RBPMS: variants seen among roughly 807,000 people sequenced by gnomAD.
The protein encoded by RBPMS is RNA binding protein, mRNA processing factor.
In RBPMS, 7 loss-of-function variants were observed where a neutral mutation model predicts 26.8. The ratio of observed to expected loss-of-function variants is 0.26; its 90% CI spans 0.15 to 0.49. The LOEUF (loss-of-function observed/expected upper bound fraction) is 0.49, where lower values mean the gene tolerates loss of function less well. Ranked by LOEUF, RBPMS falls within the 20% of genes least tolerant of loss-of-function variation. The pLI, the probability that RBPMS is intolerant of heterozygous loss-of-function variation, is 0.98. For missense variants in RBPMS, 186 were observed against 250.0 expected, an observed-to-expected ratio of 0.74 and a Z score of 1.73; for synonymous variants, 96 against 93.3, an observed-to-expected ratio of 1.03 and a Z score of -0.17.
chr8:30,552,587 A>C (rs1344265514), intron 6 of RBPMS: 1 of 152,210 alleles, frequency 6.6e-6, no homozygotes. Context: ...CATAGTTAAA[A>C]ATTAACAGAC....
chr8:30,557,757 T>C (rs1761439448), intron 6 of RBPMS, among the ~76,000 whole-genome samples: 2 of 152,172 alleles, frequency 1.3e-5, no homozygotes, highest in Non-Finnish European at 2.9e-5. Context: ...GCCGCCTCCA[T>C]GTGAAAGGAA....
intron 5 of RBPMS, among the ~76,000 whole-genome samples, chr8:30,523,308 C>T (rs1285924142): frequency 2.0e-5 from 3 of 150,066 alleles, no homozygotes; most frequent in Non-Finnish European, 4.4e-5. Context: ...ACCCGAGAGG[C>T]GGAGGTTGCA....
At chr8:30,412,934 G>A (rs370450654) in intron 1 of RBPMS, among the ~76,000 whole-genome samples, 3 of 152,140 alleles carry the variant, frequency 2.0e-5, no homozygotes, top group Non-Finnish European at 4.4e-5. Context: ...GGCTATCATA[G>A]GCCTTTTGAG....
chr8:30,453,027 C>G (rs1000845260), intron 1 of RBPMS, among the ~76,000 whole-genome samples: 3 of 152,186 alleles, frequency 2.0e-5, no homozygotes, highest in Non-Finnish European at 4.4e-5. Flanking sequence ...TCCCCTTCCT[C>G]GTGGATTCAT....
At chr8:30,564,527 C>T (rs1827746734) in intron 7 of RBPMS, 2 of 152,296 alleles carry the variant, frequency 1.3e-5, no homozygotes, top group Admixed American at 6.5e-5. Context: ...CCACCACTGT[C>T]CTCCGGACTG....
intron 1 of RBPMS, among the ~76,000 whole-genome samples, chr8:30,417,995 ATAAC>A (rs1228158167): frequency 7.2e-5 from 11 of 152,244 alleles, no homozygotes; most frequent in African/African-American, 1.9e-4. Context: ...TATATGAAGA[ATAAC>A]TACATATATA....
chr8:30,550,151 CTG>C, intron 6 of RBPMS, among the ~76,000 whole-genome samples: 1 of 152,202 alleles, frequency 6.6e-6, no homozygotes, highest in East Asian at 1.9e-4. Context: ...ATTTCTATGC[CTG>C]CCTCCTGATG....
chr8:30,486,122 A>G (rs1213017864), intron 4 of RBPMS, among the ~76,000 whole-genome samples: 2 of 152,036 alleles, frequency 1.3e-5, no homozygotes, highest in Admixed American at 1.3e-4. Flanking sequence ...TGAGGTGGGC[A>G]GATCACCTGA....
At chr8:30,469,305 T>G (rs1270426113) in intron 1 of RBPMS, among the ~76,000 whole-genome samples, 1 of 152,248 alleles carries the variant, frequency 6.6e-6, no homozygotes, top group African/African-American at 2.4e-5. Context: ...AATCGGAGTT[T>G]ATTAAATGAG....
chr8:30,564,455 A>G (rs1827739993), intron 7 of RBPMS: 1 of 152,228 alleles, frequency 6.6e-6, no homozygotes. Context: ...CTCTAAAGGT[A>G]GGGGTGGGCC....
intron 4 of RBPMS, among the ~76,000 whole-genome samples, chr8:30,489,540 G>C (rs1267730506): frequency 1.3e-5 from 2 of 152,058 alleles, no homozygotes; most frequent in Admixed American, 1.3e-4. Context: ...TGCCTCCCAG[G>C]TTCAAGGTAT....
At position 30,477,858 on chromosome 8, in the gene RBPMS, T is replaced by A. The variant is rs777054263; in HGVS notation, c.183+21T>A. 5 of 1,539,452 alleles carry A rather than the reference T, an allele frequency of 3.2e-6. No homozygotes were observed. The African/African-American group carries it at 6.8e-5, about 21-fold the overall frequency. The stretch of plus-strand genomic sequence containing the variant: ...AACAGGTAAGAATTTCAAAGTGGCA[T>A]ATAAAGATCACTTTTTTACTTTCCT... On this transcript the variant is annotated intron_variant, in intron 3 of 8. Coordinates refer to ENST00000397323, the MANE Select transcript of RBPMS (RefSeq NM_001008710.3).
chr8:30,529,555 G>A (rs184520301), intron 5 of RBPMS, among the ~76,000 whole-genome samples: 170 of 152,112 alleles, frequency 1.1e-3, no homozygotes, highest in Non-Finnish European at 1.8e-3. Flanking sequence ...CCATTAAGCT[G>A]TAACTCCCCA....
intron 4 of RBPMS, among the ~76,000 whole-genome samples, chr8:30,493,676 C>A (rs1394155895): frequency 6.6e-6 from 1 of 152,078 alleles, no homozygotes; most frequent in Non-Finnish European, 1.5e-5. Context: ...GGGTAACTGA[C>A]TGTGTTTGGG....
At chr8:30,566,179 AG>A in intron 7 of RBPMS, 77 bp from the exon 8 acceptor site, 1 of 792,790 alleles carries the variant, frequency 1.3e-6, no homozygotes, top group Non-Finnish European at 1.5e-6. Context: ...CCCTCAGAAC[AG>A]GCCGGTCTTC....
Position 30,571,548 on chromosome 8 carries a change from G to GTATC in RBPMS, c.*1025_*1028dup, listed in dbSNP as rs1563465128. The GTATC allele has an allele frequency of 1.3e-5, 2 of 152,296 alleles. No homozygotes were observed. Among genetic ancestry groups the GTATC allele is most frequent in the African/African-American group, 4.8e-5 (2 of 41,464 alleles). 9.4% of individuals were successfully genotyped at this position (152,296 alleles called of 1,614,324 possible). On this transcript the variant is annotated 3_prime_UTR_variant, in exon 9 of 9. Transcript: ENST00000397323. ...TGGCTGCAGTGGGCAGCTCATGTCT[G>GTATC]TATCTCCAAAGTGATGTTTGTTTGC... is the stretch of plus-strand genomic sequence containing the variant.
intron 7 of RBPMS, among the ~76,000 whole-genome samples, chr8:30,563,601 A>G (rs2151091760): frequency 6.6e-6 from 1 of 152,300 alleles, no homozygotes; most frequent in African/African-American, 2.4e-5. Flanking sequence ...CAGCCTCCCC[A>G]GATTGGAGAA....
intron 6 of RBPMS, chr8:30,545,483 AT>A (rs1195723621): frequency 1.0e-6 from 1 of 981,780 alleles, no homozygotes; most frequent in Non-Finnish European, 1.2e-6. Context: ...CGTAGGTTTC[AT>A]TTGTCTTTCT....
chr8:30,502,213 A>G (rs1438448748), intron 4 of RBPMS, among the ~76,000 whole-genome samples: 3 of 149,278 alleles, frequency 2.0e-5, no homozygotes, highest in East Asian at 2.0e-4. Flanking sequence ...TTTTAGTTCA[A>G]ATTGGGGGGC....
Sources: allele counts gnomAD v4.1 joint callset (sites outside exome capture counted in the v4.1 genomes callset), GRCh38; gene constraint gnomAD v4.1.1; transcripts MANE v1.5; gene names NCBI Gene and HGNC (gene_info 2026-07-23, HGNC 2026-07-21).